The following KLHL8 variants were observed in gnomAD, a reference collection of about 807,000 sequenced individuals.
KLHL8 encodes the protein kelch-like protein 8.
Under a neutral mutation model 63.5 loss-of-function variants are expected in KLHL8, and 38 were observed. That is an observed-to-expected ratio of 0.60 (90% CI 0.46 to 0.78). KLHL8 has a LOEUF of 0.78. Among genes scored for constraint, KLHL8 ranks in the 30% least tolerant of loss-of-function variants. KLHL8 has a pLI of 0.00. For missense variants in KLHL8, 566 were observed against 752.4 expected, an observed-to-expected ratio of 0.75 and a Z score of 2.90; for synonymous variants, 224 against 254.3, an observed-to-expected ratio of 0.88 and a Z score of 1.13.
At chr4:87,228,410 C>A (rs1336404075) in intron 1 of KLHL8, among the ~76,000 whole-genome samples, 1 of 152,130 alleles carries the variant, frequency 6.6e-6, no homozygotes, top group Non-Finnish European at 1.5e-5. Context: ...ATGCCCTTAA[C>A]CTGTGGAGTT....
At chr4:87,205,300 G>C (rs1446545278) in intron 1 of KLHL8, among the ~76,000 whole-genome samples, 7 of 152,130 alleles carry the variant, frequency 4.6e-5, no homozygotes, top group African/African-American at 1.7e-4. Flanking sequence ...CCAGCTACTT[G>C]GGAGGCTGAA....
chr4:87,228,419 T>C (rs535750629), intron 1 of KLHL8, among the ~76,000 whole-genome samples: 57 of 152,202 alleles, frequency 3.7e-4, no homozygotes, highest in African/African-American at 1.3e-3. Context: ...ACCTGTGGAG[T>C]TGGCACTAAC....
chr4:87,208,211 A>G, intron 1 of KLHL8: 1 of 319,632 alleles, frequency 3.1e-6, no homozygotes, highest in East Asian at 8.1e-5. Flanking sequence ...CTCACTTTCC[A>G]TGTAGAACTC....
In KLHL8 at chr4:87,160,352, C is replaced by G. The variant is rs1730112015; in HGVS notation, c.*3167G>C. The G allele has an allele frequency of 1.3e-5, 2 of 152,128 alleles. No individual in the cohort carries two copies. Among genetic ancestry groups the G allele is most frequent in the African/African-American group, 4.8e-5 (2 of 41,430 alleles). The allele number at this position is 152,128 out of a possible 1,614,324, so 9.4% of individuals were successfully genotyped here. A position where few individuals can be genotyped will look rare whatever the true frequency, so the allele number is the denominator to read the frequency against. On this transcript the variant is annotated 3_prime_UTR_variant, in exon 10 of 10. Coordinates refer to ENST00000273963, the MANE Select transcript of KLHL8 (RefSeq NM_020803.5). ...TCCCAGTAATAATTTCTTTACACAT[C>G]TGATACGAGAAACCACAGAAACATT...
At chr4:87,187,833 A>G (rs1211625467) in intron 2 of KLHL8, among the ~76,000 whole-genome samples, 1 of 152,178 alleles carries the variant, frequency 6.6e-6, no homozygotes, top group Non-Finnish European at 1.5e-5. Context: ...AATACAAGTA[A>G]CAGTTATAGT....
intron 2 of KLHL8, among the ~76,000 whole-genome samples, chr4:87,193,444 T>C (rs1447686785): frequency 6.6e-6 from 1 of 152,244 alleles, no homozygotes; most frequent in African/African-American, 2.4e-5. Context: ...GAATACCTTC[T>C]GAAGGACCTG....
chr4:87,163,996 T>A lies in KLHL8; in HGVS notation c.1621A>T (p.Thr541Ser). The change falls in exon 9 of 10, where the codon ACT becomes TCT. Residue 541 changes from threonine to serine, a missense_variant. Coordinates refer to ENST00000273963, the MANE Select transcript of KLHL8 (RefSeq NM_020803.5). ...SNKWDYVAALTTPRGGVGIAT... is the reference protein window; with the variant it reads ...SNKWDYVAALSTPRGGVGIAT... ...ATTCCCACTCCACCTCTGGGAGTAG[T>A]AAGTGCTGCCACATAATCCCACTTG... 2 of 1,614,180 alleles carry A rather than the reference T, an allele frequency of 1.2e-6. No homozygotes were observed. The highest frequency in any genetic ancestry group is 8.5e-7 in the Non-Finnish European group (1 of 1,179,990).
intron 1 of KLHL8, among the ~76,000 whole-genome samples, chr4:87,215,315 G>A (rs572843441): frequency 2.0e-5 from 3 of 152,232 alleles, no homozygotes; most frequent in Non-Finnish European, 2.9e-5. Flanking sequence ...TATAAAGTAT[G>A]CTGCAATATT....
At chr4:87,178,184 G>A (rs1214081449) in intron 5 of KLHL8, among the ~76,000 whole-genome samples, 1 of 152,028 alleles carries the variant, frequency 6.6e-6, no homozygotes, top group South Asian at 2.1e-4. Context: ...TAAAAAAGCT[G>A]ATATGTAATT....
At chr4:87,188,177 C>T (rs1273273157) in intron 2 of KLHL8, among the ~76,000 whole-genome samples, 5 of 152,290 alleles carry the variant, frequency 3.3e-5, no homozygotes, top group East Asian at 1.9e-4. Context: ...TTCAAATTCA[C>T]GTCAGCTCTA....
intron 5 of KLHL8, among the ~76,000 whole-genome samples, chr4:87,178,040 T>C (rs939992922): frequency 6.6e-6 from 1 of 152,196 alleles, no homozygotes; most frequent in African/African-American, 2.4e-5. Context: ...AATTCATTTA[T>C]ACTTTTATAA....
At chr4:87,178,719 G>C in intron 4 of KLHL8, 99 bp from the exon 5 acceptor site, 1 of 1,187,948 alleles carries the variant, frequency 8.4e-7, no homozygotes, top group Non-Finnish European at 1.1e-6. Flanking sequence ...ACAAAAAAAA[G>C]TTATTTGGAT....
intron 1 of KLHL8, among the ~76,000 whole-genome samples, chr4:87,226,211 T>A (rs190614704): frequency 6.6e-6 from 1 of 152,324 alleles, no homozygotes; most frequent in African/African-American, 2.4e-5. Flanking sequence ...GTGTTTCCAT[T>A]GCAATTTGTA....
chr4:87,226,747 A>AATATATATTATTTATATATAAT (rs1733001117), intron 1 of KLHL8, among the ~76,000 whole-genome samples: 1 of 20,548 alleles, frequency 4.9e-5, no homozygotes, highest in Non-Finnish European at 7.2e-5. Context: ...ATTTATATAT[A>AATATATATTATTTATATATAAT]ATATATATTA....
intron 3 of KLHL8, among the ~76,000 whole-genome samples, chr4:87,185,003 T>C (rs1731196193): frequency 6.6e-6 from 1 of 152,226 alleles, no homozygotes; most frequent in South Asian, 2.1e-4. Flanking sequence ...CCCAAAGGAA[T>C]ATTTTAAATA....
At chr4:87,226,911 AT>A (rs1346202890) in intron 1 of KLHL8, among the ~76,000 whole-genome samples, 3 of 42,038 alleles carry the variant, frequency 7.1e-5, no homozygotes, top group Non-Finnish European at 1.2e-4. Context: ...TATATAATAT[AT>A]AAATAATATA....
At chr4:87,170,648 G>T (rs181224269) in intron 6 of KLHL8, 33 bp from the exon 7 acceptor site, 1 of 1,573,028 alleles carries the variant, frequency 6.4e-7, no homozygotes, top group East Asian at 2.2e-5. Flanking sequence ...TTTAGCAAAT[G>T]AGTTTGTTTC....
intron 1 of KLHL8, among the ~76,000 whole-genome samples, chr4:87,238,916 T>C (rs1363191101): frequency 6.6e-6 from 1 of 152,240 alleles, no homozygotes; most frequent in African/African-American, 2.4e-5. Context: ...TTGTGAACTG[T>C]AACAATTAGC....
intron 6 of KLHL8, 105 bp from the exon 7 acceptor site, chr4:87,170,720 A>G: frequency 1.0e-6 from 1 of 957,780 alleles, no homozygotes; most frequent in Non-Finnish European, 1.6e-6. Flanking sequence ...TTAACCTTCA[A>G]ACAGTATAGT....
Sources: allele counts gnomAD v4.1 joint callset (sites outside exome capture counted in the v4.1 genomes callset), GRCh38; gene constraint gnomAD v4.1.1; transcripts MANE v1.5; gene names NCBI Gene and HGNC (gene_info 2026-07-23, HGNC 2026-07-21).